The following LMO7 variants were observed in gnomAD, a reference collection of about 807,000 sequenced individuals.
The protein encoded by LMO7 is LIM domain 7, also known as LIM domain only protein 7.
Under a neutral mutation model 206.5 loss-of-function variants are expected in LMO7, and 120 were observed. That is an observed-to-expected ratio of 0.58 (90% CI 0.50 to 0.68). The LOEUF is 0.68. Ranked by LOEUF, LMO7 falls within the 30% of genes least tolerant of loss-of-function variation. The pLI, the probability that LMO7 is intolerant of heterozygous loss-of-function variation, is 0.00. For missense variants in LMO7, 1,959 were observed against 1,957.9 expected (o/e 1.00, Z -0.01); for synonymous variants, 706 against 681.5 (o/e 1.04, Z -0.56).
chr13:75,650,911 C>T (rs1008176575), intron 1 of LMO7, among the ~76,000 whole-genome samples: 1 of 152,106 alleles, frequency 6.6e-6, no homozygotes, highest in Non-Finnish European at 1.5e-5. Flanking sequence ...CCAAGAAGAA[C>T]ATTTTCTGAT....
At chr13:75,643,854 G>A (rs2036783417) in intron 1 of LMO7, among the ~76,000 whole-genome samples, 1 of 152,184 alleles carries the variant, frequency 6.6e-6, no homozygotes, top group Non-Finnish European at 1.5e-5. Context: ...CCAGTAGTAT[G>A]CTCAAAGACT....
intron 3 of LMO7, among the ~76,000 whole-genome samples, chr13:75,755,949 G>A (rs1758988767): frequency 6.6e-6 from 1 of 152,196 alleles, no homozygotes. Flanking sequence ...ACAAACATGA[G>A]AGAAACAGGA....
Position 75,841,622 on chromosome 13 carries a change from A to G in LMO7, c.3676-6A>G. The G allele has an allele frequency of 6.4e-7, 1 of 1,554,872 alleles. No individual in the cohort carries two copies. The highest frequency in any genetic ancestry group is 8.7e-7 in the Non-Finnish European group (1 of 1,147,544). ...AGATGGATTTCTTTTTTCACTGGTC[A>G]CCTAGGAACTGATGGTCCTAAGCTC... On this transcript the variant is annotated splice_polypyrimidine_tract_variant and splice_region_variant and intron_variant, in intron 23 of 30. Coordinates refer to ENST00000377534, the MANE Select transcript of LMO7 (RefSeq NM_001306080.2).
chr13:75,784,613 G>A (rs2052104936), intron 4 of LMO7, among the ~76,000 whole-genome samples: 1 of 152,154 alleles, frequency 6.6e-6, no homozygotes, highest in Non-Finnish European at 1.5e-5. Context: ...TAAGGAATAG[G>A]TGCAGTGATA....
chr13:75,808,425 C>G (rs1486385251), intron 10 of LMO7, among the ~76,000 whole-genome samples: 1 of 152,190 alleles, frequency 6.6e-6, no homozygotes, highest in Non-Finnish European at 1.5e-5. Flanking sequence ...CTGTTTAAGA[C>G]TGTATATACA....
At chr13:75,764,255 A>T (rs548366349) in intron 4 of LMO7, among the ~76,000 whole-genome samples, 6 of 152,222 alleles carry the variant, frequency 3.9e-5, no homozygotes, top group African/African-American at 1.2e-4. Context: ...CCCCGATCTG[A>T]GGCCATGAAA....
chr13:75,626,009 C>T (rs1301209100), intron 2 of LMO7, among the ~76,000 whole-genome samples: 1 of 152,172 alleles, frequency 6.6e-6, no homozygotes, highest in Non-Finnish European at 1.5e-5. Context: ...GGTTTCTTCA[C>T]ATTGTGTAGA....
rs762639390 is a variant in LMO7 at position 75,795,416 on chromosome 13, C to T, written c.333C>T (p.Asp111=). ...TTCTTTACAGGCAAGAAGAGACTGA[C>T]AGGAGAGTGAAAAATGTAAGATACA... is the stretch of plus-strand genomic sequence containing the variant. The part of the protein sequence containing the change: ...NRVTVKQEET[D]RRVKNVLITL... The change falls in exon 5 of 31, where the codon GAC becomes GAT. Residue 111 remains aspartate (D), a synonymous_variant. Coordinates refer to ENST00000377534, the MANE Select transcript of LMO7 (RefSeq NM_001306080.2). 5.7e-6 allele frequency: 9 copies of T among 1,588,202 alleles called. No homozygotes were observed. Among genetic ancestry groups the T allele is most frequent in the Non-Finnish European group, 7.7e-6 (9 of 1,161,884 alleles).
At chr13:75,718,660 A>C (rs562160515) in intron 2 of LMO7, among the ~76,000 whole-genome samples, 3 of 152,122 alleles carry the variant, frequency 2.0e-5, no homozygotes, top group Non-Finnish European at 4.4e-5. Flanking sequence ...CCCAGAGTCC[A>C]TGGTTTACAT....
rs574073657 is a variant in LMO7, at chr13:75,805,768, G to A, written c.1196+8G>A. 75 of 1,611,814 alleles carry A rather than the reference G, an allele frequency of 4.7e-5. 1 individual carries two copies. The Admixed American group carries it at 6.2e-4, about 13-fold the overall frequency. ...AGAATTTCAGGGATTCAGGTTTGTC[G>A]TTGTGCATGTTTCTGTCACACCAGT... On this transcript the variant is annotated splice_region_variant and intron_variant, in intron 9 of 30. Transcript: ENST00000377534.
intron 2 of LMO7, among the ~76,000 whole-genome samples, chr13:75,713,995 A>G (rs535502804): frequency 6.6e-6 from 1 of 152,346 alleles, no homozygotes; most frequent in Admixed American, 6.5e-5. Context: ...CTAAGAATGT[A>G]CTTGAGTACT....
intron 28 of LMO7, among the ~76,000 whole-genome samples, chr13:75,854,119 C>G (rs1230255210): frequency 6.6e-6 from 1 of 152,174 alleles, no homozygotes; most frequent in Non-Finnish European, 1.5e-5. Context: ...CTCCACAGAT[C>G]TTTCATGCCT....
chr13:75,734,004 C>T (rs1234399485), intron 3 of LMO7, among the ~76,000 whole-genome samples: 1 of 152,224 alleles, frequency 6.6e-6, no homozygotes, highest in African/African-American at 2.4e-5. Flanking sequence ...TACCCTCAGC[C>T]AGCACACAGA....
intron 4 of LMO7, among the ~76,000 whole-genome samples, chr13:75,781,969 G>A (rs936732832): frequency 3.3e-5 from 5 of 151,940 alleles, no homozygotes; most frequent in Non-Finnish European, 7.4e-5. Context: ...CTTTTTGATG[G>A]GGTTGTTTGT....
intron 20 of LMO7, 129 bp downstream of exon 20, chr13:75,838,325 C>T: frequency 6.5e-7 from 1 of 1,533,010 alleles, no homozygotes; most frequent in East Asian, 2.5e-5. Flanking sequence ...AGCGACATAA[C>T]CCATTTCCAT....
intron 28 of LMO7, 23 bp downstream of exon 28, chr13:75,853,411 T>C (rs1352233350): frequency 6.5e-7 from 1 of 1,536,836 alleles, no homozygotes; most frequent in Non-Finnish European, 8.8e-7. Flanking sequence ...CTGTTTCTCT[T>C]TCTTCTCTTA....
chr13:75,643,979 G>A (rs1331750585), intron 1 of LMO7, among the ~76,000 whole-genome samples: 1 of 152,148 alleles, frequency 6.6e-6, no homozygotes, highest in Non-Finnish European at 1.5e-5. Context: ...TGTCATGTAG[G>A]AGAGATTAGG....
At chr13:75,849,544 C>CA (rs1039639696) in intron 27 of LMO7, among the ~76,000 whole-genome samples, 3 of 149,136 alleles carry the variant, frequency 2.0e-5, no homozygotes, top group Non-Finnish European at 4.4e-5. Context: ...GCAGGCAAGA[C>CA]GCTGACAAAA....
chr13:75,797,879 T>TATGTTA (rs574357651), intron 6 of LMO7, among the ~76,000 whole-genome samples: 1,571 of 152,320 alleles, frequency 0.01, 31 homozygotes, highest in African/African-American at 0.033. Flanking sequence ...TTAACATGCA[T>TATGTTA]ACACATAGTA....
Sources: allele counts gnomAD v4.1 joint callset (sites outside exome capture counted in the v4.1 genomes callset), GRCh38; gene constraint gnomAD v4.1.1; transcripts MANE v1.5; gene names NCBI Gene and HGNC (gene_info 2026-07-23, HGNC 2026-07-21).